Variants in PROX1 observed in about 807,000 individuals in gnomAD.
PROX1 encodes prospero homeobox protein 1.
In PROX1, 7 loss-of-function variants were observed where a neutral mutation model predicts 58.8. The ratio of observed to expected loss-of-function variants is 0.12; its 90% CI spans 0.07 to 0.22. PROX1 has a LOEUF of 0.22. Among genes scored for constraint, PROX1 ranks in the 10% least tolerant of loss-of-function variants. PROX1 has a pLI of 1.00. For synonymous variants in PROX1, 350 were observed against 358.3 expected (o/e 0.98, Z 0.26); for missense variants, 675 against 927.8 (o/e 0.73, Z 3.54).
intron 4 of PROX1, among the ~76,000 whole-genome samples, 168 bp from the exon 5 acceptor site, chr1:214,035,481 T>G (rs982786176): frequency 3.3e-5 from 5 of 152,242 alleles, no homozygotes; most frequent in Non-Finnish European, 5.9e-5. Context: ...ACAATGCTTC[T>G]ATATATAATG....
chr1:214,029,269 C>T (rs1000615562), intron 4 of PROX1: 3 of 152,206 alleles, frequency 2.0e-5, no homozygotes, highest in Non-Finnish European at 4.4e-5. Flanking sequence ...TTAACTTCTC[C>T]AAAGACACTT....
At chr1:214,034,537 T>A (rs1307867755) in intron 4 of PROX1, among the ~76,000 whole-genome samples, 1 of 152,216 alleles carries the variant, frequency 6.6e-6, no homozygotes, top group African/African-American at 2.4e-5. Context: ...TCATGGATTA[T>A]TCTGTGATTC....
intron 4 of PROX1, among the ~76,000 whole-genome samples, chr1:214,033,457 G>T (rs1192461120): frequency 6.6e-6 from 1 of 152,124 alleles, no homozygotes; most frequent in Non-Finnish European, 1.5e-5. Context: ...AGTTAGCCAG[G>T]CGTGATGGCA....
At position 214,035,712 on chromosome 1, in the gene PROX1, G is replaced by A. The variant is rs761648947; in HGVS notation, c.2092G>A (p.Ala698Thr). 26 of 1,613,662 alleles carry A rather than the reference G, an allele frequency of 1.6e-5. No homozygotes were observed. Among genetic ancestry groups the A allele is most frequent in the East Asian group, 4.5e-5 (2 of 44,868 alleles). Residue 698 changes from alanine (A) to threonine (T), a missense_variant, in exon 5 of 5, where the codon GCA becomes ACA. Around this residue, in one of 8 missense-constraint regions of PROX1, gnomAD observed 50 missense variants for 79.3 expected, o/e 0.63. Transcript: ENST00000366958. ...ACGGGAGTTTTTCAATGCCATTATCGCAGGCAAAGATGTTGATCCTTCCTG... is the reference window on the plus strand; with the variant it reads ...ACGGGAGTTTTTCAATGCCATTATCACAGGCAAAGATGTTGATCCTTCCTG... ...TLREFFNAII[A>T]GKDVDPSWKK...
intron 2 of PROX1, among the ~76,000 whole-genome samples, chr1:214,003,537 C>A (rs1336660191): frequency 6.6e-6 from 1 of 152,172 alleles, no homozygotes; most frequent in Non-Finnish European, 1.5e-5. Context: ...TCTTTGTAAT[C>A]ATTAAGGATC....
intron 4 of PROX1, among the ~76,000 whole-genome samples, chr1:214,012,006 C>G (rs1442731132): frequency 6.6e-6 from 1 of 152,154 alleles, no homozygotes; most frequent in East Asian, 1.9e-4. Flanking sequence ...CAGCAAGCAG[C>G]AAAGACAGAG....
chr1:213,999,609 T>C (rs1408041067), intron 2 of PROX1, among the ~76,000 whole-genome samples: 2 of 152,158 alleles, frequency 1.3e-5, no homozygotes, highest in Admixed American at 6.5e-5. Context: ...CAGTTAAACA[T>C]GGAGTCTCTC....
chr1:214,032,030 T>C (rs930665311), intron 4 of PROX1, among the ~76,000 whole-genome samples: 2 of 152,236 alleles, frequency 1.3e-5, no homozygotes, highest in Non-Finnish European at 2.9e-5. Flanking sequence ...CTAATCATTT[T>C]ATTTGTTCAC....
chr1:214,030,224 C>G (rs1013108563), intron 4 of PROX1: 1 of 152,484 alleles, frequency 6.6e-6, no homozygotes, highest in Non-Finnish European at 1.5e-5. Context: ...AAAACCCACA[C>G]ACAAACTAAT....
At chr1:213,995,477 T>C (rs1369136836) in intron 1 of PROX1, among the ~76,000 whole-genome samples, 3 of 151,690 alleles carry the variant, frequency 2.0e-5, no homozygotes, top group African/African-American at 7.3e-5. Context: ...TTTTTTTTCC[T>C]TTAATTTGGC....
chr1:214,031,862 C>CTG (rs1003712100), intron 4 of PROX1, among the ~76,000 whole-genome samples: 27 of 152,144 alleles, frequency 1.8e-4, no homozygotes, highest in Admixed American at 9.8e-4. Context: ...ATGAAATTCA[C>CTG]TGGAACCCTC....
Position 214,041,503 on chromosome 1 carries a change from A to T in PROX1, c.*5669A>T, listed in dbSNP as rs528274460. 1.6e-5 allele frequency: 2 copies of T among 125,516 alleles called. No individual in the cohort carries two copies. Among genetic ancestry groups the T allele is most frequent in the South Asian group, 4.9e-4 (2 of 4,098 alleles). 7.8% of individuals were successfully genotyped at this position (125,516 alleles called of 1,614,324 possible). On this transcript the variant is annotated 3_prime_UTR_variant, in exon 5 of 5. Coordinates refer to ENST00000366958, the MANE Select transcript of PROX1 (RefSeq NM_001270616.2). The stretch of plus-strand genomic sequence containing the variant: ...TTAACTTTATTTAGCCCTGAAACTT[A>T]AAAAAAAAAAAAAAAGCTTTAGCTC...
intron 4 of PROX1, among the ~76,000 whole-genome samples, chr1:214,021,371 T>A (rs1664273378): frequency 6.7e-6 from 1 of 149,124 alleles, no homozygotes; most frequent in Non-Finnish European, 1.5e-5. Flanking sequence ...TGTTATAATA[T>A]CCTGGGATTG....
In PROX1 at chr1:214,039,414, C is replaced by T. The variant is rs1352014977; in HGVS notation, c.*3580C>T. 6.6e-6 allele frequency: 1 copy of T among 151,850 alleles called. No homozygotes were observed. Among genetic ancestry groups the T allele is most frequent in the African/African-American group, 2.4e-5 (1 of 41,326 alleles). 9.4% of individuals were successfully genotyped at this position (151,850 alleles called of 1,614,324 possible). ...TGTTTGCAGAATCTTTGTCACTGTA[C>T]TAGGGATGTGGGTGAATATCATTTA... On this transcript the variant is annotated 3_prime_UTR_variant, in exon 5 of 5. Coordinates refer to ENST00000366958, the MANE Select transcript of PROX1 (RefSeq NM_001270616.2).
At chr1:213,990,882 T>G (rs1663011320) in intron 1 of PROX1, among the ~76,000 whole-genome samples, 1 of 152,182 alleles carries the variant, frequency 6.6e-6, no homozygotes, top group Non-Finnish European at 1.5e-5. Flanking sequence ...AATAATCTCA[T>G]AAAGTAGAAT....
upstream of PROX1, chr1:213,985,962 T>G (rs568899810): frequency 6.6e-6 from 1 of 152,340 alleles, no homozygotes; most frequent in Non-Finnish European, 1.5e-5. Flanking sequence ...AACTTATATG[T>G]ACAAACCAAG....
At chr1:214,030,222 C>T (rs919325234) in intron 4 of PROX1, 25 of 152,634 alleles carry the variant, frequency 1.6e-4, no homozygotes, top group African/African-American at 6.0e-4. Context: ...GGAAAACCCA[C>T]ACACAAACTA....
In PROX1 at chr1:213,996,783, C is replaced by A; in HGVS notation, c.248C>A (p.Ala83Asp). 1 of 1,614,134 alleles carries A rather than the reference C, an allele frequency of 6.2e-7. No individual in the cohort carries two copies. ...AAGAGGGCGAACTCGTATGAAGATG[C>A]CATGATGCCTTTTCCAGGAGCAACC... Reference protein sequence around the residue: ...LLKRANSYEDAMMPFPGATII... With the variant: ...LLKRANSYEDDMMPFPGATII... Residue 83 changes from alanine (A) to aspartate (D), a missense_variant, in exon 2 of 5, where the codon GCC (alanine) becomes GAC (aspartate). Physicochemically the swap from Ala to Asp is moderately radical, Grantham distance 126. This residue lies in a region of PROX1 where 157 missense variants were observed against 197.8 expected (regional missense o/e 0.79). Transcript: ENST00000366958.
At chr1:213,989,866 C>A (rs1558165173) in intron 1 of PROX1, 1 of 152,258 alleles carries the variant, frequency 6.6e-6, no homozygotes, top group Non-Finnish European at 1.5e-5. Context: ...AGACAGAGAA[C>A]AGAACTAGAA....
Sources: gnomAD v4.1 joint callset for allele counts (sites outside exome capture counted in the v4.1 genomes callset) on GRCh38, gnomAD v4.1.1 for gene constraint, gnomAD v4.1.1 regional missense constraint, MANE v1.5 for transcripts, NCBI Gene and HGNC (gene_info 2026-07-23, HGNC 2026-07-21) for gene names.